Variants in HDAC9 observed in about 807,000 individuals in gnomAD.
HDAC9 encodes the protein MEF-2 interacting transcription repressor (MITR) protein.
Under a neutral mutation model 139.4 loss-of-function variants are expected in HDAC9, and 41 were observed. The ratio of observed to expected loss-of-function variants is 0.29; its 90% CI spans 0.23 to 0.38. The LOEUF is 0.38. Ranked by LOEUF, HDAC9 falls within the 10% of genes least tolerant of loss-of-function variation. The pLI is 1.00. For synonymous variants in HDAC9, 517 were observed against 476.2 expected (o/e 1.09, Z -1.12); for missense variants, 1,147 against 1,297.0 (o/e 0.88, Z 1.78).
At chr7:18,536,447 G>A (rs901336983) in intron 2 of HDAC9, among the ~76,000 whole-genome samples, 1 of 152,102 alleles carries the variant, frequency 6.6e-6, no homozygotes, top group Non-Finnish European at 1.5e-5. Context: ...GAACAATTAC[G>A]TATTCCTCAA....
intron 2 of HDAC9, among the ~76,000 whole-genome samples, chr7:18,175,179 C>T (rs989804439): frequency 2.0e-5 from 3 of 152,222 alleles, no homozygotes; most frequent in Non-Finnish European, 2.9e-5. Flanking sequence ...ACCCCTCCCC[C>T]CTGCCAGGCT....
At chr7:18,903,794 C>T (rs374369644) in intron 22 of HDAC9, among the ~76,000 whole-genome samples, 3 of 152,148 alleles carry the variant, frequency 2.0e-5, no homozygotes, top group Non-Finnish European at 4.4e-5. Context: ...CACCGTTAGT[C>T]GAGAATGTAC....
upstream of HDAC9, among the ~76,000 whole-genome samples, chr7:18,287,430 T>C (rs892872395): frequency 6.6e-6 from 1 of 152,256 alleles, no homozygotes. Context: ...AATGTTGTTA[T>C]ATGTTTTTGA....
At chr7:18,888,426 AAAAAT>A (rs371945687) in intron 22 of HDAC9, among the ~76,000 whole-genome samples, 93 of 152,358 alleles carry the variant, frequency 6.1e-4, no homozygotes, top group African/African-American at 1.4e-3. Flanking sequence ...CTCCGTCTCA[AAAAAT>A]AAAATAAAAT....
intron 2 of HDAC9, among the ~76,000 whole-genome samples, chr7:18,519,677 G>T (rs532203674): frequency 4.6e-5 from 7 of 152,172 alleles, no homozygotes; most frequent in African/African-American, 1.7e-4. Context: ...AAATTTTGGA[G>T]CAGCATAAAT....
At position 18,209,936 on chromosome 7, in the gene HDAC9, G is replaced by A. The variant is rs562685647; in HGVS notation, c.25+47587G>A. On this transcript the variant is annotated intron_variant, in intron 2 of 12. Transcript: ENST00000417496. ...AGGATGGTCTCGATCTCCTGACCTCGTGATCCGCCCTCCTTGGCTTCCCAA... is the reference window on the plus strand; with the variant it reads ...AGGATGGTCTCGATCTCCTGACCTCATGATCCGCCCTCCTTGGCTTCCCAA... Among the ~76,000 whole-genome samples the A allele has an allele frequency of 1.4e-3, 212 of 152,026 alleles. 1 individual carries two copies. Among genetic ancestry groups the A allele is most frequent in the African/African-American group, 4.9e-3 (204 of 41,478 alleles).
At chr7:18,302,685 C>T (rs1282340854) in intron 1 of HDAC9, among the ~76,000 whole-genome samples, 1 of 152,116 alleles carries the variant, frequency 6.6e-6, no homozygotes, top group Non-Finnish European at 1.5e-5. Context: ...AATGTCTAGT[C>T]TGTAAGGCAG....
intron 1 of HDAC9, among the ~76,000 whole-genome samples, chr7:18,159,346 G>A (rs111304548): frequency 3.9e-5 from 6 of 152,230 alleles, no homozygotes; most frequent in African/African-American, 1.4e-4. Flanking sequence ...TAATATATGA[G>A]GGGAACTTCT....
chr7:18,913,799 C>T (rs34574947), intron 22 of HDAC9, among the ~76,000 whole-genome samples: 48,885 of 151,764 alleles, frequency 0.32, 8,138 homozygotes, highest in Middle Eastern at 0.36. Flanking sequence ...GAAGCATCCA[C>T]GATTCAATAT....
At chr7:18,871,978 G>A (rs1357712172) in intron 21 of HDAC9, among the ~76,000 whole-genome samples, 3 of 152,108 alleles carry the variant, frequency 2.0e-5, no homozygotes, top group Non-Finnish European at 4.4e-5. Context: ...ATATATACTT[G>A]TTGAAATGAA....
rs34141321 is a variant in HDAC9 at position 18,256,931 on chromosome 7, TA to T, written c.25+94591del. On this transcript the variant is annotated intron_variant, in intron 2 of 12. Coordinates refer to the HDAC9 transcript ENST00000417496. ...AGTAAGGCCACATCTCTACAAAAAG[TA>T]AAAAAAAATAACCAGGCATGGTGGT... Among the ~76,000 whole-genome samples the T allele has an allele frequency of 9.9e-3, 1,491 of 149,958 alleles. 8 individuals carry two copies. Among genetic ancestry groups the T allele is most frequent in the Non-Finnish European group, 0.017 (1,136 of 67,348 alleles).
rs193074679 is a variant in HDAC9 at position 18,779,831 on chromosome 7, C to T, written c.2214+12676C>T. Among the ~76,000 whole-genome samples the T allele has an allele frequency of 3.5e-3, 536 of 152,050 alleles. 4 individuals carry two copies. Among genetic ancestry groups the T allele is most frequent in the African/African-American group, 0.012 (517 of 41,504 alleles). On this transcript the variant is annotated intron_variant, in intron 16 of 25. Transcript: ENST00000686413. ...TTAAAGGTTCTCCAAAGCCCTGCAA[C>T]CCTGAGGTCTCCACCTGACCTACCT...
intron 1 of HDAC9, among the ~76,000 whole-genome samples, chr7:18,115,087 C>T (rs757078084): frequency 4.6e-5 from 7 of 152,062 alleles, no homozygotes; most frequent in Admixed American, 3.3e-4. Context: ...GTCAGGAGAT[C>T]GAGACCATCG....
chr7:18,206,037 A>ACTATTGT (rs1791487503), intron 2 of HDAC9, among the ~76,000 whole-genome samples: 1 of 152,174 alleles, frequency 6.6e-6, no homozygotes, highest in Non-Finnish European at 1.5e-5. Context: ...TTTAATAGTT[A>ACTATTGT]AAATTTTGAA....
chr7:18,430,647 C>A (rs987672737), intron 1 of HDAC9: 23 of 151,912 alleles, frequency 1.5e-4, no homozygotes, highest in African/African-American at 5.3e-4. Flanking sequence ...TTTGTGAGGC[C>A]AAGATGGGTA....
rs182084495 is a variant in HDAC9 at position 18,794,765 on chromosome 7, C to T, written c.2322+1313C>T. On this transcript the variant is annotated intron_variant, in intron 17 of 25. Coordinates refer to ENST00000686413, the MANE Select transcript of HDAC9 (RefSeq NM_178425.4). Reference sequence around the variant, plus strand: ...TACTTGCACCACTGCAATAAATTAACACTTTAAAATAAAATTTGAACATCT... The same window carrying T: ...TACTTGCACCACTGCAATAAATTAATACTTTAAAATAAAATTTGAACATCT... 2.9e-3 allele frequency among the ~76,000 whole-genome samples: 443 copies of T among 152,286 alleles called. 2 individuals are homozygous for T. Among genetic ancestry groups the T allele is most frequent in the African/African-American group, 9.8e-3 (409 of 41,566 alleles).
At chr7:18,593,474 T>C (rs1364400078) in intron 5 of HDAC9, among the ~76,000 whole-genome samples, 1 of 152,160 alleles carries the variant, frequency 6.6e-6, no homozygotes, top group African/African-American at 2.4e-5. Context: ...GCTACTCTCA[T>C]GTACTCACAT....
At chr7:18,145,565 T>C (rs1786251171) in intron 1 of HDAC9, among the ~76,000 whole-genome samples, 1 of 152,176 alleles carries the variant, frequency 6.6e-6, no homozygotes, top group Non-Finnish European at 1.5e-5. Context: ...GAAAGAAACA[T>C]GATAGCATTC....
At chr7:18,197,973 G>A (rs1397576513) in intron 2 of HDAC9, among the ~76,000 whole-genome samples, 1 of 152,096 alleles carries the variant, frequency 6.6e-6, no homozygotes, top group Non-Finnish European at 1.5e-5. Flanking sequence ...ATTGGATTAA[G>A]AATTTGTAGG....
Sources: allele counts gnomAD v4.1 joint callset (sites outside exome capture counted in the v4.1 genomes callset), GRCh38; gene constraint gnomAD v4.1.1; transcripts MANE v1.5; gene names NCBI Gene and HGNC (gene_info 2026-07-23, HGNC 2026-07-21).